DNASE1L3: variants seen among roughly 807,000 people sequenced by gnomAD.
The protein encoded by DNASE1L3 is deoxyribonuclease gamma.
A neutral mutation model predicts 30.9 loss-of-function variants in DNASE1L3; 27 were observed. That is an observed-to-expected ratio of 0.87 (90% CI 0.64 to 1.20). DNASE1L3 has a LOEUF of 1.20. Among genes scored for constraint, DNASE1L3 ranks in the 50% most tolerant of loss-of-function variants. The pLI is 0.00. For missense variants in DNASE1L3, 364 were observed against 378.2 expected (o/e 0.96, Z 0.31); for synonymous variants, 135 against 138.0 (o/e 0.98, Z 0.15).
intron 6 of DNASE1L3, among the ~76,000 whole-genome samples, chr3:58,196,316 G>A (rs1291470708): frequency 7.9e-5 from 12 of 151,808 alleles, no homozygotes; most frequent in African/African-American, 2.2e-4. Flanking sequence ...AGGCCGAGGC[G>A]GGCGGATCAC....
At chr3:58,195,049 A>G (rs1049790946) in intron 6 of DNASE1L3, among the ~76,000 whole-genome samples, 9 of 152,118 alleles carry the variant, frequency 5.9e-5, no homozygotes, top group African/African-American at 1.7e-4. Flanking sequence ...TCCATTTCTG[A>G]CTTCTTCTAG....
intron 7 of DNASE1L3, 94 bp downstream of exon 7, chr3:58,193,249 T>A: frequency 6.5e-7 from 1 of 1,527,562 alleles, no homozygotes; most frequent in Non-Finnish European, 9.0e-7. Flanking sequence ...GCTAATTTTT[T>A]TGAATTTTTC....
At chr3:58,195,879 T>A (rs1234127885) in intron 6 of DNASE1L3, among the ~76,000 whole-genome samples, 1 of 152,192 alleles carries the variant, frequency 6.6e-6, no homozygotes, top group Non-Finnish European at 1.5e-5. Flanking sequence ...CTTTAAAATG[T>A]CACATGTAAT....
intron 2 of DNASE1L3, among the ~76,000 whole-genome samples, chr3:58,206,000 C>T (rs1353635252): frequency 6.6e-6 from 1 of 152,234 alleles, no homozygotes; most frequent in East Asian, 1.9e-4. Context: ...CATCAGGCCA[C>T]CTGTCCGTGT....
At chr3:58,201,995 T>G (rs764251004) in intron 4 of DNASE1L3, among the ~76,000 whole-genome samples, 1 of 152,220 alleles carries the variant, frequency 6.6e-6, no homozygotes, top group Non-Finnish European at 1.5e-5. Context: ...ATGCTGGCAT[T>G]GTGAGTGCTT....
chr3:58,205,538 A>G lies in DNASE1L3; in HGVS notation c.253T>C (p.Tyr85His). 6.2e-7 allele frequency: 1 copy of G among 1,614,028 alleles called. No individual in the cohort carries two copies. Among genetic ancestry groups the G allele is most frequent in the South Asian group, 1.1e-5 (1 of 91,078 alleles). Residue 85 changes from tyrosine to histidine, a missense_variant, in exon 3 of 8, where the codon TAC becomes CAC. By Grantham distance (83) the Tyr-to-His change is moderately conservative (BLOSUM62 2). Transcript: ENST00000394549. The part of the protein sequence containing the change: ...LNRNSRRGIT[Y>H]NYVISSRLGR... ...AGCCGAGAGCTAATCACATAGTTGT[A>G]CGTTATGCCTCTCCTTGAATTTCTA...
Position 58,197,681 on chromosome 3 carries a change from G to A in DNASE1L3, c.704+140C>T. On this transcript the variant is annotated intron_variant, in intron 6 of 7. Coordinates refer to ENST00000394549, the MANE Select transcript of DNASE1L3 (RefSeq NM_004944.4). The surrounding 1 kb of genome is among the most constrained non-coding windows in gnomAD (Gnocchi z 5.3). ...TTGCCCAGGCTGGTCTCAAACTCCT[G>A]TACTCAAGCGATCCATCCATCGAGG... 1.7e-6 allele frequency: 2 copies of A among 1,147,218 alleles called. No individual in the cohort carries two copies. Among genetic ancestry groups the A allele is most frequent in the East Asian group, 2.4e-5 (1 of 41,576 alleles). 71.1% of individuals were successfully genotyped at this position (1,147,218 alleles called of 1,614,324 possible).
chr3:58,207,904 T>C (rs1030417805), intron 2 of DNASE1L3: 4 of 276,790 alleles, frequency 1.4e-5, no homozygotes, highest in Non-Finnish European at 2.0e-5. Context: ...CTTCTACTAT[T>C]GGTTTCTAAT....
At chr3:58,209,857 A>G (rs1003659942) in intron 1 of DNASE1L3, among the ~76,000 whole-genome samples, 6 of 152,260 alleles carry the variant, frequency 3.9e-5, no homozygotes, top group African/African-American at 1.4e-4. Context: ...ATGGTGTCTC[A>G]GGTTTCCTAA....
intron 4 of DNASE1L3, among the ~76,000 whole-genome samples, chr3:58,203,953 G>A (rs12490897): frequency 0.25 from 37,626 of 151,926 alleles, 5,345 homozygotes; most frequent in East Asian, 0.63. Flanking sequence ...TCCCTACCTT[G>A]TAGTCATTGC....
At position 58,210,895 on chromosome 3, in the gene DNASE1L3, C is replaced by G. The variant is rs2097407368; in HGVS notation, c.12G>C (p.Glu4Asp). The G allele has an allele frequency of 6.2e-7, 1 of 1,613,900 alleles. No individual in the cohort carries two copies. The highest frequency in any genetic ancestry group is 1.3e-5 in the African/African-American group (1 of 75,036). MSR[E>D]LAPLLLLLLS... ...GGAGGAGAAGCAGCAGTGGGGCCAG[C>G]TCCCGTGACATCCTGGCGCTGCTCT... The change falls in exon 1 of 8, where the codon GAG becomes GAC. Residue 4 changes from glutamate (E) to aspartate (D), a missense_variant. Coordinates refer to ENST00000394549, the MANE Select transcript of DNASE1L3 (RefSeq NM_004944.4).
chr3:58,192,831 G>A lies in DNASE1L3; in HGVS notation c.802-28C>T. On this transcript the variant is annotated intron_variant, in intron 7 of 7. Coordinates refer to ENST00000394549, the MANE Select transcript of DNASE1L3 (RefSeq NM_004944.4). This position sits in a 1 kb window ranked among gnomAD's most constrained non-coding sequence, Gnocchi z 4.8. ...ATAAGGAGAAAGGGGAGGTAGACAT[G>A]GAAATTAGGAGATGCCTGGGAGATG... 6.2e-7 allele frequency: 1 copy of A among 1,603,634 alleles called. No individual in the cohort carries two copies. The highest frequency in any genetic ancestry group is 8.5e-7 in the Non-Finnish European group (1 of 1,177,254).
chr3:58,194,935 C>T (rs1408981336), intron 6 of DNASE1L3, among the ~76,000 whole-genome samples: 2 of 152,194 alleles, frequency 1.3e-5, no homozygotes, highest in African/African-American at 2.4e-5. Flanking sequence ...GCCCGGGCTA[C>T]GGCTTTTAAT....
intron 4 of DNASE1L3, among the ~76,000 whole-genome samples, chr3:58,202,317 G>GTTTTTTTTT (rs1171213238): frequency 1.0e-4 from 5 of 48,830 alleles, no homozygotes; most frequent in Admixed American, 3.3e-4. Flanking sequence ...GGCTAGCTTT[G>GTTTTTTTTT]TTTTTTTTTT....
chr3:58,192,657 G>T lies in DNASE1L3; in HGVS notation c.*30C>A. On this transcript the variant is annotated 3_prime_UTR_variant, in exon 8 of 8. Coordinates refer to ENST00000394549, the MANE Select transcript of DNASE1L3 (RefSeq NM_004944.4). The surrounding 1 kb of genome is among the most constrained non-coding windows in gnomAD (Gnocchi z 4.8). ...TTAGAGACATTTTATTTAGAGGCAA[G>T]AAATGGTTAATAAGATGAGACCCTT... 6.3e-7 allele frequency: 1 copy of T among 1,598,644 alleles called. No homozygotes were observed. Among genetic ancestry groups the T allele is most frequent in the African/African-American group, 1.4e-5 (1 of 74,036 alleles).
rs370020945 is a variant in DNASE1L3 at position 58,210,872 on chromosome 3, A to T, written c.35T>A (p.Leu12His). Residue 12 changes from leucine (L) to histidine (H), a missense_variant, in exon 1 of 8, where the codon CTC becomes CAC. By Grantham distance (99) the Leu-to-His change is moderately conservative. Transcript: ENST00000394549. ...SRELAPLLLLLLSIHSALAMR... is the reference protein window; with the variant it reads ...SRELAPLLLLHLSIHSALAMR... ...GGCCAGGGCGCTGTGGATGGAGAGGAGGAGAAGCAGCAGTGGGGCCAGCTC... is the reference window on the plus strand; with the variant it reads ...GGCCAGGGCGCTGTGGATGGAGAGGTGGAGAAGCAGCAGTGGGGCCAGCTC... 16 of 1,613,956 alleles carry T rather than the reference A, an allele frequency of 9.9e-6. No homozygotes were observed. Among genetic ancestry groups the T allele is most frequent in the Non-Finnish European group, 1.4e-5 (16 of 1,180,030 alleles).
chr3:58,204,629 C>G, intron 4 of DNASE1L3, 140 bp downstream of exon 4: 1 of 682,042 alleles, frequency 1.5e-6, no homozygotes, highest in Non-Finnish European at 2.5e-6. Context: ...CACTGAACTG[C>G]ATCGTCTACA....
At chr3:58,207,212 A>C (rs549326044) in intron 2 of DNASE1L3, among the ~76,000 whole-genome samples, 1 of 152,232 alleles carries the variant, frequency 6.6e-6, no homozygotes, top group African/African-American at 2.4e-5. Flanking sequence ...CTCCACTAAA[A>C]ATACAAAAAT....
chr3:58,199,316 T>A (rs1048132605), intron 5 of DNASE1L3, among the ~76,000 whole-genome samples: 11 of 152,084 alleles, frequency 7.2e-5, no homozygotes, highest in African/African-American at 2.7e-4. Flanking sequence ...GAAACAGGAT[T>A]GAGAGATTAA....
Sources: gnomAD v4.1 joint callset for allele counts (sites outside exome capture counted in the v4.1 genomes callset) on GRCh38, gnomAD v4.1.1 for gene constraint, Gnocchi (gnomAD v3.1) non-coding constraint, MANE v1.5 for transcripts, NCBI Gene and HGNC (gene_info 2026-07-23, HGNC 2026-07-21) for gene names.